Variants in OTULIN observed in about 807,000 individuals in gnomAD.
OTULIN encodes the protein ubiquitin thioesterase otulin.
Under a neutral mutation model 39.6 loss-of-function variants are expected in OTULIN, and 15 were observed. The observed-to-expected ratio is 0.38, with a 90% CI of 0.25 to 0.58. OTULIN has a LOEUF of 0.58. OTULIN is among the 20% of genes least tolerant of loss of function. The pLI is 0.66. For synonymous variants in OTULIN, 156 were observed against 170.3 expected, an observed-to-expected ratio of 0.92 and a Z score of 0.65; for missense variants, 319 against 445.9, an observed-to-expected ratio of 0.72 and a Z score of 2.56.
chr5:14,684,207 C>A (rs1410186905), intron 4 of OTULIN, among the ~76,000 whole-genome samples: 1 of 152,168 alleles, frequency 6.6e-6, no homozygotes, highest in Non-Finnish European at 1.5e-5. Context: ...AGTGTACCTG[C>A]CTGTGGGTTT....
intron 4 of OTULIN, among the ~76,000 whole-genome samples, chr5:14,685,835 T>TTTTTTTTTTTTTTTTTAGACGGA (rs1553996401): frequency 6.6e-6 from 1 of 151,914 alleles, no homozygotes; most frequent in Non-Finnish European, 1.5e-5. Flanking sequence ...TGTAGTTCTT[T>TTTTTTTTTTTTTTTTTAGACGGA]GTGCCCAATT....
At chr5:14,687,317 C>T (rs1736411444) in intron 4 of OTULIN, among the ~76,000 whole-genome samples, 1 of 152,220 alleles carries the variant, frequency 6.6e-6, no homozygotes, top group Admixed American at 6.5e-5. Context: ...TTCACTCCAG[C>T]AGCCCTCCTC....
intron 1 of OTULIN, among the ~76,000 whole-genome samples, chr5:14,673,068 T>G (rs1046787274): frequency 2.0e-5 from 3 of 152,160 alleles, no homozygotes; most frequent in Non-Finnish European, 4.4e-5. Flanking sequence ...AGTGGGAATC[T>G]ATGTAACAGC....
intron 5 of OTULIN, among the ~76,000 whole-genome samples, chr5:14,688,922 T>G (rs937831411): frequency 2.3e-4 from 35 of 152,198 alleles, no homozygotes; most frequent in African/African-American, 7.5e-4. Context: ...CCCTCATTTT[T>G]GGGAATGCTT....
At chr5:14,675,994 G>C (rs965786610) in intron 2 of OTULIN, among the ~76,000 whole-genome samples, 4 of 152,200 alleles carry the variant, frequency 2.6e-5, no homozygotes, top group African/African-American at 9.7e-5. Flanking sequence ...AAGTTGAGTA[G>C]CTGTGACAGA....
At position 14,691,142 on chromosome 5, in the gene OTULIN, C is replaced by G. The variant is rs147427205; in HGVS notation, c.864+834C>G. ...CACCTTGTGCTATCTTTGATGTGTT[C>G]ATTTTCCTAAAAAGTCTTAATGAGG... On this transcript the variant is annotated intron_variant, in intron 6 of 6. Coordinates refer to ENST00000284274, the MANE Select transcript of OTULIN (RefSeq NM_138348.6). Among the ~76,000 whole-genome samples the G allele has an allele frequency of 1.4e-3, 210 of 152,296 alleles. No homozygotes were observed. The Middle Eastern group carries it at 0.037, about 27-fold the overall frequency.
At position 14,693,468 on chromosome 5, in the gene OTULIN, T is replaced by C. The variant is rs1736587126; in HGVS notation, c.*420T>C. On this transcript the variant is annotated 3_prime_UTR_variant, in exon 7 of 7. Coordinates refer to ENST00000284274, the MANE Select transcript of OTULIN (RefSeq NM_138348.6). The stretch of plus-strand genomic sequence containing the variant: ...TTTAGTAGTAACGGGTTTCTATAGA[T>C]CTTCCTATACAGTCTGCTTTAACTC... 1 of 163,394 alleles carries C rather than the reference T, an allele frequency of 6.1e-6. No homozygotes were observed. The highest frequency in any genetic ancestry group is 1.3e-5 in the Non-Finnish European group (1 of 75,056). The allele number at this position is 163,394 out of a possible 1,614,324, so 10.1% of individuals were successfully genotyped here. A position where few individuals can be genotyped will look rare whatever the true frequency, so the allele number is the denominator to read the frequency against.
Position 14,696,063 on chromosome 5 carries a change from C to T in OTULIN, c.*3015C>T, listed in dbSNP as rs1472852488. ...AATCTCAAGCCACATGAATTGTTAA[C>T]ACCTCTGTTGGGAAAAGCCTTTGTG... is the stretch of plus-strand genomic sequence containing the variant. On this transcript the variant is annotated 3_prime_UTR_variant, in exon 7 of 7. Coordinates refer to ENST00000284274, the MANE Select transcript of OTULIN (RefSeq NM_138348.6). 2 of 150,370 alleles carry T rather than the reference C, an allele frequency of 1.3e-5. No individual in the cohort carries two copies. The highest frequency in any genetic ancestry group is 4.9e-5 in the African/African-American group (2 of 40,826). The allele number at this position is 150,370 out of a possible 1,614,324, so 9.3% of individuals were successfully genotyped here.
chr5:14,677,616 A>T (rs946951062), intron 2 of OTULIN, among the ~76,000 whole-genome samples: 52 of 150,762 alleles, frequency 3.4e-4, no homozygotes, highest in Admixed American at 2.0e-4. Context: ...TATAAAGGCT[A>T]TTTTTTTTTC....
intron 6 of OTULIN, among the ~76,000 whole-genome samples, chr5:14,691,575 TCTG>T (rs1383328163): frequency 6.6e-6 from 1 of 152,180 alleles, no homozygotes. Flanking sequence ...CCCTATAAGG[TCTG>T]CTGTGATGGT....
chr5:14,684,543 C>T (rs1050534233), intron 4 of OTULIN, among the ~76,000 whole-genome samples: 1 of 152,222 alleles, frequency 6.6e-6, no homozygotes, highest in Non-Finnish European at 1.5e-5. Context: ...TTCCTGTTCT[C>T]ACTCTGGCCC....
the OTULIN span, chr5:14,708,344 T>G: frequency 5.3e-5 from 8 of 152,234 alleles, no homozygotes; most frequent in Non-Finnish European, 1.0e-4. Flanking sequence ...CACTCAGTTT[T>G]GGAGAAAGTC....
At chr5:14,684,457 G>A (rs535952006) in intron 4 of OTULIN, among the ~76,000 whole-genome samples, 2 of 152,326 alleles carry the variant, frequency 1.3e-5, no homozygotes, top group African/African-American at 4.8e-5. Flanking sequence ...GTGAAGGAAG[G>A]AAGGGACCCA....
At position 14,690,321 on chromosome 5, in the gene OTULIN, T is replaced by G. The variant is rs771890020; in HGVS notation, c.864+13T>G. The G allele has an allele frequency of 1.2e-6, 2 of 1,610,380 alleles. No individual in the cohort carries two copies. Among genetic ancestry groups the G allele is most frequent in the East Asian group, 4.5e-5 (2 of 44,828 alleles). On this transcript the variant is annotated intron_variant, in intron 6 of 6. Coordinates refer to ENST00000284274, the MANE Select transcript of OTULIN (RefSeq NM_138348.6). This position sits in a 1 kb window ranked among gnomAD's most constrained non-coding sequence, Gnocchi z 4.5. ...TGGTCTTGAACAGGTAAGTTGTGCT[T>G]TTGAGCATGTATTACCCCAAAATAA...
the OTULIN span, chr5:14,705,278 T>A: frequency 6.6e-6 from 1 of 152,104 alleles, no homozygotes; most frequent in Non-Finnish European, 1.5e-5. Context: ...CACACTTAAT[T>A]TTGTTTAAAA....
At chr5:14,709,120 C>T in the OTULIN span, 2 of 152,184 alleles carry the variant, frequency 1.3e-5, no homozygotes, top group Admixed American at 1.3e-4. Flanking sequence ...TCTCAAACTC[C>T]TGACCTTAAG....
In OTULIN at chr5:14,694,186, G is replaced by T. The variant is rs971608938; in HGVS notation, c.*1138G>T. On this transcript the variant is annotated 3_prime_UTR_variant, in exon 7 of 7. Coordinates refer to ENST00000284274, the MANE Select transcript of OTULIN (RefSeq NM_138348.6). ...TTTAAGCGGAAGCATACGGGAATAT[G>T]AGTGCAAAAGTGTGGCTGAGCCGCG... 6.6e-6 allele frequency: 1 copy of T among 152,250 alleles called. No individual in the cohort carries two copies. Among genetic ancestry groups the T allele is most frequent in the Non-Finnish European group, 1.5e-5 (1 of 68,052 alleles). The allele number at this position is 152,250 out of a possible 1,614,324, so 9.4% of individuals were successfully genotyped here.
At chr5:14,665,109 A>G (rs985288429) in intron 1 of OTULIN, 132 bp downstream of exon 1, 2 of 760,818 alleles carry the variant, frequency 2.6e-6, no homozygotes, top group Non-Finnish European at 3.2e-6. Flanking sequence ...CGTTGGCGAC[A>G]AGGAGGAATT....
the OTULIN span, chr5:14,712,820 T>A: frequency 8.2e-5 from 125 of 1,519,302 alleles, no homozygotes; most frequent in East Asian, 2.6e-3. Flanking sequence ...GCTCAGGTTC[T>A]CCTGCACCCA....
Sources: gnomAD v4.1 joint callset for allele counts (sites outside exome capture counted in the v4.1 genomes callset) on GRCh38, gnomAD v4.1.1 for gene constraint, Gnocchi (gnomAD v3.1) non-coding constraint, MANE v1.5 for transcripts, NCBI Gene and HGNC (gene_info 2026-07-23, HGNC 2026-07-21) for gene names.